The following ADCY8 variants were observed in gnomAD, a reference collection of about 807,000 sequenced individuals.
The protein encoded by ADCY8 is adenylate cyclase type 8.
ADCY8 carries 51 observed loss-of-function variants against 119.7 expected under a neutral mutation model. The observed-to-expected ratio is 0.43, with a 90% CI of 0.34 to 0.54. The LOEUF (loss-of-function observed/expected upper bound fraction) is 0.54, where lower values mean the gene tolerates loss of function less well. Ranked by LOEUF, ADCY8 falls within the 20% of genes least tolerant of loss-of-function variation. ADCY8 has a pLI of 0.03. For missense variants in ADCY8, 1,383 were observed against 1,598.8 expected, an observed-to-expected ratio of 0.87 and a Z score of 2.30; for synonymous variants, 665 against 651.0, an observed-to-expected ratio of 1.02 and a Z score of -0.33.
intron 1 of ADCY8, among the ~76,000 whole-genome samples, chr8:131,035,355 C>T (rs1236923097): frequency 2.0e-5 from 3 of 152,246 alleles, no homozygotes; most frequent in South Asian, 2.1e-4. Flanking sequence ...ACTCCAGATG[C>T]AGAAAACATA....
At chr8:131,007,937 T>C (rs541579818) in intron 1 of ADCY8, among the ~76,000 whole-genome samples, 4 of 152,284 alleles carry the variant, frequency 2.6e-5, no homozygotes, top group African/African-American at 9.6e-5. Flanking sequence ...CTGATTTTAT[T>C]GAATATCTAC....
intron 5 of ADCY8, among the ~76,000 whole-genome samples, chr8:130,929,615 T>G (rs1820573616): frequency 6.6e-6 from 1 of 152,210 alleles, no homozygotes; most frequent in Admixed American, 6.5e-5. Flanking sequence ...CTGCAGCTAT[T>G]GAATGAAATG....
chr8:131,009,453 GT>G (rs1181731932), intron 1 of ADCY8, among the ~76,000 whole-genome samples: 2 of 152,300 alleles, frequency 1.3e-5, no homozygotes, highest in South Asian at 4.2e-4. Flanking sequence ...ACATCTGATG[GT>G]TTTATAAGCA....
chr8:130,970,636 T>C (rs1484293015), intron 2 of ADCY8, among the ~76,000 whole-genome samples: 1 of 152,170 alleles, frequency 6.6e-6, no homozygotes, highest in Non-Finnish European at 1.5e-5. Context: ...GAGAAACTGG[T>C]CCCTGGTGCC....
At chr8:130,825,855 C>A (rs752977643) in intron 12 of ADCY8, among the ~76,000 whole-genome samples, 48 of 152,134 alleles carry the variant, frequency 3.2e-4, no homozygotes, top group Non-Finnish European at 6.3e-4. Flanking sequence ...TGTCTCTCTG[C>A]CTCATTATTG....
intron 11 of ADCY8, among the ~76,000 whole-genome samples, chr8:130,846,887 CT>C (rs35779231): frequency 0.4 from 7,906 of 19,902 alleles, 1,361 homozygotes; most frequent in Admixed American, 0.44. Flanking sequence ...CTTCCCTTCC[CT>C]TTCCTTCCTT....
At chr8:130,879,586 C>T (rs1818693838) in intron 8 of ADCY8, among the ~76,000 whole-genome samples, 1 of 151,992 alleles carries the variant, frequency 6.6e-6, no homozygotes, top group Admixed American at 6.6e-5. Flanking sequence ...CTTTCACCCA[C>T]CCCTAGGATT....
At chr8:131,013,823 G>A (rs1823385853) in intron 1 of ADCY8, among the ~76,000 whole-genome samples, 1 of 152,178 alleles carries the variant, frequency 6.6e-6, no homozygotes, top group African/African-American at 2.4e-5. Flanking sequence ...ATAAAGTACA[G>A]TATGCACCAA....
At chr8:130,991,982 C>A (rs986172191) in intron 1 of ADCY8, among the ~76,000 whole-genome samples, 1 of 151,122 alleles carries the variant, frequency 6.6e-6, no homozygotes, top group African/African-American at 2.4e-5. Flanking sequence ...ACATAGATGA[C>A]GGAAGAATCA....
intron 1 of ADCY8, among the ~76,000 whole-genome samples, chr8:131,037,577 T>C (rs1023278139): frequency 2.6e-5 from 4 of 152,128 alleles, no homozygotes; most frequent in Non-Finnish European, 5.9e-5. Flanking sequence ...GAATTTCTTA[T>C]ACATGATCAG....
intron 1 of ADCY8, among the ~76,000 whole-genome samples, chr8:130,992,439 G>A (rs988885233): frequency 3.4e-5 from 2 of 58,030 alleles, no homozygotes; most frequent in Non-Finnish European, 6.8e-5. Flanking sequence ...ATTTGAGATA[G>A]GGTCTCACTC....
intron 2 of ADCY8, among the ~76,000 whole-genome samples, chr8:130,967,801 C>G (rs79604485): frequency 0.022 from 3,313 of 152,172 alleles, 144 homozygotes; most frequent in African/African-American, 0.074. Context: ...GGACAAAGCT[C>G]TTTCCTGATT....
intron 9 of ADCY8, among the ~76,000 whole-genome samples, chr8:130,863,291 G>A (rs748911248): frequency 6.7e-6 from 1 of 149,590 alleles, no homozygotes; most frequent in Non-Finnish European, 1.5e-5. Flanking sequence ...AGCTACTTAA[G>A]TTTTTTTTTC....
intron 15 of ADCY8, among the ~76,000 whole-genome samples, chr8:130,787,711 TGTGA>T (rs1256021230): frequency 1.3e-5 from 2 of 149,926 alleles, no homozygotes; most frequent in African/African-American, 2.5e-5. Context: ...CATGCATTTG[TGTGA>T]GTATGCATTT....
At chr8:130,864,958 T>C (rs1014685471) in intron 9 of ADCY8, among the ~76,000 whole-genome samples, 3 of 152,120 alleles carry the variant, frequency 2.0e-5, no homozygotes, top group Non-Finnish European at 1.5e-5. Flanking sequence ...ATGAAGTAAA[T>C]AGATATTTTC....
At chr8:130,982,823 G>C (rs920123001) in intron 2 of ADCY8, among the ~76,000 whole-genome samples, 1 of 152,168 alleles carries the variant, frequency 6.6e-6, no homozygotes, top group Non-Finnish European at 1.5e-5. Flanking sequence ...TCATTAATGA[G>C]ATATTTTGCA....
chr8:130,856,811 A>G (rs1002038074), intron 9 of ADCY8, among the ~76,000 whole-genome samples: 1 of 151,556 alleles, frequency 6.6e-6, no homozygotes, highest in Non-Finnish European at 1.5e-5. Context: ...GAGGGCAGGG[A>G]TTTTGTTCTT....
intron 14 of ADCY8, among the ~76,000 whole-genome samples, chr8:130,804,945 T>C (rs139902570): frequency 0.17 from 26,447 of 151,956 alleles, 2,868 homozygotes; most frequent in African/African-American, 0.31. Flanking sequence ...TGGGGTTTCA[T>C]CACATTGGCC....
intron 3 of ADCY8, among the ~76,000 whole-genome samples, chr8:130,946,916 T>C (rs1821121203): frequency 6.6e-6 from 1 of 152,142 alleles, no homozygotes; most frequent in Non-Finnish European, 1.5e-5. Context: ...CTGGTTTAAG[T>C]CATAGTTGTA....
Sources: gnomAD v4.1 joint callset for allele counts (sites outside exome capture counted in the v4.1 genomes callset) on GRCh38, gnomAD v4.1.1 for gene constraint, MANE v1.5 for transcripts, NCBI Gene and HGNC (gene_info 2026-07-23, HGNC 2026-07-21) for gene names.